Variants in CDK19 observed in about 807,000 individuals in gnomAD.
The protein encoded by CDK19 is cyclin-dependent kinase 19.
Under a neutral mutation model 68.3 loss-of-function variants are expected in CDK19, and 20 were observed. That is an observed-to-expected ratio of 0.29 (90% CI 0.21 to 0.43). The LOEUF (loss-of-function observed/expected upper bound fraction) is 0.43, where lower values mean the gene tolerates loss of function less well. Ranked by LOEUF, CDK19 falls within the 20% of genes least tolerant of loss-of-function variation. The pLI, the probability that CDK19 is intolerant of heterozygous loss-of-function variation, is 1.00. For missense variants in CDK19, 339 were observed against 623.5 expected (o/e 0.54, Z 4.86); for synonymous variants, 221 against 222.8 (o/e 0.99, Z 0.07).
At chr6:110,769,568 AAAAAAAAAAAATAAT>A (rs1314975013) in intron 1 of CDK19, among the ~76,000 whole-genome samples, 1 of 138,954 alleles carries the variant, frequency 7.2e-6, no homozygotes, top group East Asian at 4.6e-4. Flanking sequence ...CCATCTCAAA[AAAAAAAAAAAATAAT>A]AATAATAATA....
chr6:110,710,252 G>A (rs535976839), intron 2 of CDK19, among the ~76,000 whole-genome samples: 2 of 152,296 alleles, frequency 1.3e-5, no homozygotes, highest in Non-Finnish European at 1.5e-5. Context: ...CTTTGTCGAA[G>A]TGTCAAGACT....
intron 1 of CDK19, among the ~76,000 whole-genome samples, chr6:110,748,777 C>T (rs768075133): frequency 7.9e-5 from 12 of 152,228 alleles, no homozygotes; most frequent in Admixed American, 1.3e-4. Flanking sequence ...TCTCATCCCA[C>T]GTGAGTGCCC....
intron 1 of CDK19, among the ~76,000 whole-genome samples, chr6:110,767,602 C>G (rs1378741567): frequency 6.6e-6 from 1 of 151,816 alleles, no homozygotes; most frequent in African/African-American, 2.4e-5. Context: ...GTGATCCACG[C>G]TCCTCAGCCT....
At chr6:110,750,898 C>T (rs551588692) in intron 1 of CDK19, among the ~76,000 whole-genome samples, 1 of 152,250 alleles carries the variant, frequency 6.6e-6, no homozygotes, top group Non-Finnish European at 1.5e-5. Context: ...TGCAGTGGTG[C>T]AATCTTGGCT....
intron 2 of CDK19, among the ~76,000 whole-genome samples, chr6:110,717,737 T>C (rs1016473292): frequency 3.9e-5 from 6 of 152,136 alleles, no homozygotes; most frequent in Admixed American, 2.0e-4. Flanking sequence ...GTTTTGCTCT[T>C]GTTGCCCAGG....
At chr6:110,770,142 C>G (rs79633850) in intron 1 of CDK19, among the ~76,000 whole-genome samples, 4,006 of 152,272 alleles carry the variant, frequency 0.026, 77 homozygotes, top group South Asian at 0.082. Flanking sequence ...AAATGGTGTG[C>G]TCCTGTGTTG....
intron 1 of CDK19, among the ~76,000 whole-genome samples, chr6:110,750,005 G>A (rs1271945862): frequency 2.1e-5 from 3 of 144,844 alleles, no homozygotes; most frequent in Non-Finnish European, 3.1e-5. Flanking sequence ...CTCCTGACCT[G>A]GTGATCCGCC....
chr6:110,710,848 C>T (rs1332891681), intron 2 of CDK19, among the ~76,000 whole-genome samples: 1 of 152,162 alleles, frequency 6.6e-6, no homozygotes, highest in African/African-American at 2.4e-5. Context: ...ATCCTCCCTC[C>T]CGTAGAAGAC....
At chr6:110,771,217 C>T (rs1366827362) in intron 1 of CDK19, among the ~76,000 whole-genome samples, 1 of 152,222 alleles carries the variant, frequency 6.6e-6, no homozygotes, top group Non-Finnish European at 1.5e-5. Context: ...CAGAGGTTCT[C>T]CATGAGGGCC....
intron 1 of CDK19, among the ~76,000 whole-genome samples, chr6:110,769,573 AAAAAAAT>A: frequency 6.9e-6 from 1 of 144,768 alleles, no homozygotes; most frequent in African/African-American, 2.5e-5. Context: ...TCAAAAAAAA[AAAAAAAT>A]AATAATAATA....
chr6:110,807,879 C>A (rs1782791283), intron 1 of CDK19, among the ~76,000 whole-genome samples: 1 of 151,414 alleles, frequency 6.6e-6, no homozygotes, highest in Non-Finnish European at 1.5e-5. Context: ...ATCATCATAG[C>A]TCACTATAGC....
chr6:110,734,670 C>T (rs1485285574), intron 2 of CDK19, among the ~76,000 whole-genome samples: 4 of 151,918 alleles, frequency 2.6e-5, no homozygotes, highest in African/African-American at 9.7e-5. Flanking sequence ...ACCACAAAAT[C>T]CCCAAAGAGT....
chr6:110,633,129 G>A (rs149099227), intron 5 of CDK19, among the ~76,000 whole-genome samples: 1 of 152,086 alleles, frequency 6.6e-6, no homozygotes, highest in African/African-American at 2.4e-5. Context: ...TGAGGCAGGA[G>A]AATCACTTGA....
At chr6:110,631,418 T>C (rs1779428925) in intron 6 of CDK19, among the ~76,000 whole-genome samples, 1 of 152,210 alleles carries the variant, frequency 6.6e-6, no homozygotes, top group Non-Finnish European at 1.5e-5. Flanking sequence ...GAAGCCACTG[T>C]TCTGAGGCAG....
chr6:110,711,675 A>G (rs1351533138), intron 2 of CDK19, among the ~76,000 whole-genome samples: 1 of 151,808 alleles, frequency 6.6e-6, no homozygotes. Context: ...AATAGTAAAT[A>G]GATTACAATG....
chr6:110,628,583 C>T (rs1210044533), intron 6 of CDK19, among the ~76,000 whole-genome samples: 1 of 152,060 alleles, frequency 6.6e-6, no homozygotes, highest in Admixed American at 6.5e-5. Flanking sequence ...GTTATTAGAT[C>T]AAAAAAACAT....
At chr6:110,685,947 A>G (rs1436038530) in intron 2 of CDK19, among the ~76,000 whole-genome samples, 3 of 152,172 alleles carry the variant, frequency 2.0e-5, no homozygotes, top group Admixed American at 2.0e-4. Context: ...GATGCTCCAT[A>G]TGCAATCATC....
At chr6:110,728,611 C>T (rs1776523598) in intron 2 of CDK19, among the ~76,000 whole-genome samples, 1 of 151,976 alleles carries the variant, frequency 6.6e-6, no homozygotes, top group South Asian at 2.1e-4. Flanking sequence ...CATTTCCCTG[C>T]TAAAACCCAA....
chr6:110,614,218 AGAAAGGTGCACCAGGAAATCCT>A lies in CDK19; in HGVS notation c.*295_*316del, dbSNP rs1778167813. On this transcript the variant is annotated 3_prime_UTR_variant, in exon 13 of 13. Transcript: ENST00000368911. ...AAACCATAGTGATTGCTACAGCATG[AGAAAGGTGCACCAGGAAATCCT>A]TCAAAGAAATGCTGAAGGTTACAGA... The A allele has an allele frequency of 1.8e-5, 4 of 223,362 alleles. No individual in the cohort carries two copies. The highest frequency in any genetic ancestry group is 8.9e-5 in the African/African-American group (4 of 44,856). 13.8% of individuals were successfully genotyped at this position (223,362 alleles called of 1,614,324 possible). A position where few individuals can be genotyped will look rare whatever the true frequency, so the allele number is the denominator to read the frequency against.
Sources: allele counts gnomAD v4.1 joint callset (sites outside exome capture counted in the v4.1 genomes callset), GRCh38; gene constraint gnomAD v4.1.1; transcripts MANE v1.5; gene names NCBI Gene and HGNC (gene_info 2026-07-23, HGNC 2026-07-21).